UGGT1: variants seen among roughly 807,000 people sequenced by gnomAD.
The protein encoded by UGGT1 is UDP-glucose glycoprotein glucosyltransferase 1, also known as UDP-glucose:glycoprotein glucosyltransferase 1.
In UGGT1, 107 loss-of-function variants were observed where a neutral mutation model predicts 203.9. The ratio of observed to expected loss-of-function variants is 0.52; its 90% CI spans 0.45 to 0.62. The LOEUF is 0.62. Among genes scored for constraint, UGGT1 ranks in the 20% least tolerant of loss-of-function variants. The pLI is 0.00. For synonymous variants in UGGT1, 628 were observed against 653.5 expected, an observed-to-expected ratio of 0.96 and a Z score of 0.59; for missense variants, 1,673 against 1,867.2, an observed-to-expected ratio of 0.90 and a Z score of 1.92.
intron 3 of UGGT1, among the ~76,000 whole-genome samples, chr2:128,105,143 A>G (rs1319777231): frequency 1.3e-5 from 2 of 150,306 alleles, no homozygotes; most frequent in Non-Finnish European, 3.0e-5. Flanking sequence ...TCGGCCTCCT[A>G]AAGTTCTGGG....
At chr2:128,177,566 C>T (rs568519938) in intron 32 of UGGT1, among the ~76,000 whole-genome samples, 2 of 152,236 alleles carry the variant, frequency 1.3e-5, no homozygotes, top group South Asian at 4.2e-4. Context: ...GTTGAGTTTG[C>T]GGCTCTTTGC....
chr2:128,154,222 G>C (rs1690120054), intron 19 of UGGT1, among the ~76,000 whole-genome samples: 1 of 152,140 alleles, frequency 6.6e-6, no homozygotes, highest in African/African-American at 2.4e-5. Context: ...AGTAGAGCAA[G>C]GTGAGCGTGT....
intron 26 of UGGT1, among the ~76,000 whole-genome samples, chr2:128,165,567 G>C (rs1027940761): frequency 6.6e-6 from 1 of 152,046 alleles, no homozygotes; most frequent in African/African-American, 2.4e-5. Context: ...CATGGTGGCA[G>C]ATGCCTGTAA....
intron 4 of UGGT1, among the ~76,000 whole-genome samples, chr2:128,108,775 G>A (rs4662773): frequency 0.89 from 135,294 of 152,006 alleles, 61,187 homozygotes; most frequent in Non-Finnish European, 0.98. Flanking sequence ...AAAGCCCTCC[G>A]TGTACTTTGT....
At chr2:128,109,823 C>T in intron 5 of UGGT1, 77 bp downstream of exon 5, 1 of 1,235,520 alleles carries the variant, frequency 8.1e-7, no homozygotes, top group Non-Finnish European at 1.2e-6. Flanking sequence ...TTCTGATTTT[C>T]TCATCTGTTT....
At position 128,180,985 on chromosome 2, in the gene UGGT1, G is replaced by A. The variant is rs759109996; in HGVS notation, c.3996G>A (p.Gln1332=). 2 of 1,614,158 alleles carry A rather than the reference G, an allele frequency of 1.2e-6. No homozygotes were observed. Among genetic ancestry groups the A allele is most frequent in the African/African-American group, 1.3e-5 (1 of 75,048 alleles). ...GGCTTCATCAACAAACTGAAAAACA[G>A]CGTATCATCTGGGGTTACAAGATCC... ...PRWLHQQTEK[Q]RIIWGYKILF... is the part of the protein sequence containing the mutation. The change falls in exon 36 of 41, where the codon CAG becomes CAA. Residue 1332 remains glutamine, a synonymous_variant. Coordinates refer to ENST00000259253, the MANE Select transcript of UGGT1 (RefSeq NM_020120.4).
intron 13 of UGGT1, among the ~76,000 whole-genome samples, chr2:128,130,309 C>T (rs549043086): frequency 5.3e-4 from 80 of 150,060 alleles, no homozygotes; most frequent in African/African-American, 1.6e-3. Context: ...CCATCTTGGG[C>T]AGTTGTGGTA....
intron 38 of UGGT1, 120 bp downstream of exon 38, chr2:128,183,909 G>GTGTGTGTGTGT: frequency 2.9e-6 from 1 of 339,888 alleles, no homozygotes. Flanking sequence ...GTTTTTTCAT[G>GTGTGTGTGTGT]GTGTGTGTGT....
intron 17 of UGGT1, chr2:128,145,527 C>A: frequency 3.3e-6 from 1 of 300,762 alleles, no homozygotes; most frequent in African/African-American, 2.2e-5. Flanking sequence ...CACACACATA[C>A]ACAAACACAC....
intron 32 of UGGT1, among the ~76,000 whole-genome samples, chr2:128,177,571 CTT>C (rs1472957791): frequency 2.0e-5 from 3 of 151,624 alleles, no homozygotes; most frequent in African/African-American, 7.3e-5. Context: ...GTTTGCGGCT[CTT>C]TGCCTATGTT....
At chr2:128,166,415 C>A (rs1431994978) in intron 26 of UGGT1, among the ~76,000 whole-genome samples, 4 of 152,210 alleles carry the variant, frequency 2.6e-5, no homozygotes, top group Non-Finnish European at 5.9e-5. Context: ...GCTAGGACTT[C>A]TCCGCAGTAC....
At chr2:128,149,169 G>A (rs1689827423) in intron 18 of UGGT1, among the ~76,000 whole-genome samples, 1 of 152,000 alleles carries the variant, frequency 6.6e-6, no homozygotes, top group African/African-American at 2.4e-5. Flanking sequence ...AGCCTTCCAA[G>A]TAGCTGGGAC....
At chr2:128,165,522 A>T (rs1690744245) in intron 26 of UGGT1, among the ~76,000 whole-genome samples, 1 of 152,072 alleles carries the variant, frequency 6.6e-6, no homozygotes, top group African/African-American at 2.4e-5. Context: ...ACATGGTGAA[A>T]CCCCATCTCT....
rs765559372 is a variant in UGGT1, at chr2:128,152,869, C to T, written c.2102C>T (p.Thr701Ile). 6.2e-7 allele frequency: 1 copy of T among 1,613,944 alleles called. No individual in the cohort carries two copies. The highest frequency in any genetic ancestry group is 8.5e-7 in the Non-Finnish European group (1 of 1,179,978). ...CCACGAATCAATTCTAGGATTTTGA[C>T]AGCTGAACGAGACTACCTGGATTTA... is the stretch of plus-strand genomic sequence containing the variant. ...VVPRINSRIL[T>I]AERDYLDLTA... The change falls in exon 19 of 41, where the codon ACA becomes ATA. Residue 701 changes from threonine to isoleucine, a missense_variant. Around this residue, in one of 4 missense-constraint regions of UGGT1, gnomAD observed 1,073 missense variants for 1,078.7 expected, o/e 0.99. Transcript: ENST00000259253.
At position 128,116,248 on chromosome 2, in the gene UGGT1, TTTCTA is replaced by T; in HGVS notation, c.794-12_794-8del. 6.5e-7 allele frequency: 1 copy of T among 1,528,764 alleles called. No homozygotes were observed. Among genetic ancestry groups the T allele is most frequent in the Non-Finnish European group, 9.0e-7 (1 of 1,105,390 alleles). 94.7% of individuals were successfully genotyped at this position (1,528,764 alleles called of 1,614,324 possible). On this transcript the variant is annotated splice_polypyrimidine_tract_variant and intron_variant, in intron 7 of 40. Coordinates refer to ENST00000259253, the MANE Select transcript of UGGT1 (RefSeq NM_020120.4). ...CTGAGCAATTATTAATAATATGTAT[TTTCTA>T]TTCTTTCATAGGAACTGAGGTAAAC...
intron 14 of UGGT1, among the ~76,000 whole-genome samples, chr2:128,134,499 A>C (rs952290287): frequency 6.6e-6 from 1 of 152,240 alleles, no homozygotes; most frequent in African/African-American, 2.4e-5. Flanking sequence ...CTGTGGTCTA[A>C]GAATTAGGTT....
intron 6 of UGGT1, 97 bp from the exon 7 acceptor site, chr2:128,115,027 A>T: frequency 9.9e-7 from 1 of 1,007,994 alleles, no homozygotes; most frequent in Non-Finnish European, 1.5e-6. Context: ...AATCCGAGGT[A>T]ATGGCTAGTA....
In UGGT1 at chr2:128,190,492, A is replaced by C. The variant is rs1480800154; in HGVS notation, c.*750A>C. 2.6e-5 allele frequency: 4 copies of C among 152,200 alleles called. No individual in the cohort carries two copies. Among genetic ancestry groups the C allele is most frequent in the Non-Finnish European group, 5.9e-5 (4 of 68,036 alleles). 9.4% of individuals were successfully genotyped at this position (152,200 alleles called of 1,614,324 possible). Reference sequence around the variant, plus strand: ...GTAGCACCATGGCTCATTTGAAATGAAAATATTACACTTATTCCCCACCCA... The same window carrying C: ...GTAGCACCATGGCTCATTTGAAATGCAAATATTACACTTATTCCCCACCCA... On this transcript the variant is annotated 3_prime_UTR_variant, in exon 41 of 41. Coordinates refer to ENST00000259253, the MANE Select transcript of UGGT1 (RefSeq NM_020120.4).
At position 128,152,779 on chromosome 2, in the gene UGGT1, TGCAG is replaced by T; in HGVS notation, c.2017-3_2017del. 12 of 1,593,956 alleles carry T rather than the reference TGCAG, an allele frequency of 7.5e-6. No individual in the cohort carries two copies. The Admixed American group carries it at 1.1e-4, about 15-fold the overall frequency. ...CCCCCTCAACCTCCTTTTTTTTTCT[TGCAG>T]GGTGAACTGCCCCATGATCAAGATG... On this transcript the variant is annotated splice_acceptor_variant and splice_polypyrimidine_tract_variant and intron_variant, in intron 18 of 40. Transcript: ENST00000259253. LOFTEE classifies it high-confidence loss of function.
Sources: gnomAD v4.1 joint callset for allele counts (sites outside exome capture counted in the v4.1 genomes callset) on GRCh38, gnomAD v4.1.1 for gene constraint, gnomAD v4.1.1 regional missense constraint, MANE v1.5 for transcripts, NCBI Gene and HGNC (gene_info 2026-07-23, HGNC 2026-07-21) for gene names.